ARHGAP12: variants seen among roughly 807,000 people sequenced by gnomAD.
ARHGAP12 encodes rho GTPase-activating protein 12.
A neutral mutation model predicts 108.6 loss-of-function variants in ARHGAP12; 64 were observed. The observed-to-expected ratio is 0.59, with a 90% CI of 0.48 to 0.73. ARHGAP12 has a LOEUF of 0.73. Ranked by LOEUF, ARHGAP12 falls within the 30% of genes least tolerant of loss-of-function variation. The pLI is 0.00. For synonymous variants in ARHGAP12, 312 were observed against 337.2 expected, an observed-to-expected ratio of 0.93 and a Z score of 0.82; for missense variants, 940 against 1,005.9, an observed-to-expected ratio of 0.93 and a Z score of 0.89.
intron 3 of ARHGAP12, among the ~76,000 whole-genome samples, chr10:31,883,735 A>T (rs1199770224): frequency 2.0e-5 from 3 of 148,738 alleles, no homozygotes; most frequent in Non-Finnish European, 3.0e-5. Context: ...TTTTTGAGAC[A>T]ACGTATTGCT....
intron 11 of ARHGAP12, 112 bp from the exon 12 acceptor site, chr10:31,820,600 ATTC>A (rs1044343545): frequency 6.1e-5 from 35 of 572,214 alleles, no homozygotes; most frequent in Admixed American, 1.6e-4. Flanking sequence ...ATTTTCTCAA[ATTC>A]TTCTTTTTCT....
At chr10:31,836,107 C>A (rs1326775055) in intron 9 of ARHGAP12, among the ~76,000 whole-genome samples, 1 of 151,574 alleles carries the variant, frequency 6.6e-6, no homozygotes, top group Non-Finnish European at 1.5e-5. Context: ...TAGTAATATT[C>A]AATGAAAAAA....
chr10:31,826,166 T>C, intron 11 of ARHGAP12, 138 bp downstream of exon 11: 1 of 604,866 alleles, frequency 1.7e-6, no homozygotes, highest in Non-Finnish European at 2.7e-6. Context: ...AAAATGAATC[T>C]TTAAGAAGAT....
intron 3 of ARHGAP12, among the ~76,000 whole-genome samples, chr10:31,887,826 T>A (rs565057700): frequency 6.3e-4 from 95 of 151,990 alleles, no homozygotes; most frequent in Non-Finnish European, 1.1e-3. Context: ...CCTGGCTAAT[T>A]TTTTGTATTT....
intron 3 of ARHGAP12, among the ~76,000 whole-genome samples, chr10:31,864,614 G>A (rs1837254294): frequency 6.6e-6 from 1 of 152,184 alleles, no homozygotes; most frequent in Non-Finnish European, 1.5e-5. Context: ...ACAAAAGTAT[G>A]CAAACATGTA....
At chr10:31,872,741 A>G (rs1483351957) in intron 3 of ARHGAP12, among the ~76,000 whole-genome samples, 2 of 152,184 alleles carry the variant, frequency 1.3e-5, no homozygotes, top group African/African-American at 4.8e-5. Context: ...AATTTCATTA[A>G]CTATAAGATA....
At chr10:31,855,116 G>A (rs1320355599) in intron 4 of ARHGAP12, among the ~76,000 whole-genome samples, 3 of 90,588 alleles carry the variant, frequency 3.3e-5, no homozygotes, top group Admixed American at 1.2e-4. Context: ...GGGAGGGAGA[G>A]GAAGGGAGGG....
chr10:31,892,196 C>T (rs896168245), intron 3 of ARHGAP12, among the ~76,000 whole-genome samples: 4 of 152,132 alleles, frequency 2.6e-5, no homozygotes, highest in African/African-American at 9.7e-5. Flanking sequence ...GAAGAAACTG[C>T]ATCAACTAAC....
intron 9 of ARHGAP12, among the ~76,000 whole-genome samples, chr10:31,832,033 C>G (rs1835855226): frequency 6.6e-6 from 1 of 152,100 alleles, no homozygotes. Flanking sequence ...TAAGTCACAG[C>G]AGCTATTAGA....
intron 13 of ARHGAP12, among the ~76,000 whole-genome samples, chr10:31,816,452 T>C (rs1541259): frequency 0.77 from 117,165 of 152,034 alleles, 46,113 homozygotes; most frequent in African/African-American, 0.93. Context: ...ATAATCTCAG[T>C]CTAGGAAAGT....
chr10:31,852,388 G>T, intron 6 of ARHGAP12, 129 bp downstream of exon 6: 2 of 792,720 alleles, frequency 2.5e-6, no homozygotes, highest in Non-Finnish European at 4.2e-6. Flanking sequence ...TATTCACAGT[G>T]AATTCTGAAA....
At chr10:31,887,703 G>C (rs1033096651) in intron 3 of ARHGAP12, among the ~76,000 whole-genome samples, 15 of 148,886 alleles carry the variant, frequency 1.0e-4, no homozygotes, top group African/African-American at 3.5e-4. Flanking sequence ...TGTCGCCCAG[G>C]CTGGAGTGCA....
At chr10:31,854,988 G>GAGGAGGAGGAGGAGGAGGAGC (rs1267357896) in intron 4 of ARHGAP12, among the ~76,000 whole-genome samples, 37 of 132,156 alleles carry the variant, frequency 2.8e-4, no homozygotes, top group African/African-American at 1.0e-3. Context: ...GAAGAACAAG[G>GAGGAGGAGGAGGAGGAGGAGC]AGGAGGAGGA....
At chr10:31,889,600 T>A (rs922253803) in intron 3 of ARHGAP12, among the ~76,000 whole-genome samples, 10 of 151,496 alleles carry the variant, frequency 6.6e-5, no homozygotes, top group South Asian at 2.1e-4. Context: ...ATTTTGATTT[T>A]CTTTTCTTAA....
intron 12 of ARHGAP12, among the ~76,000 whole-genome samples, chr10:31,819,235 G>A (rs77045281): frequency 0.024 from 3,612 of 152,194 alleles, 156 homozygotes; most frequent in African/African-American, 0.081. Context: ...CGGAGAGATT[G>A]GCATGGGTTG....
chr10:31,830,789 G>T (rs2132200895), intron 10 of ARHGAP12, among the ~76,000 whole-genome samples: 1 of 152,152 alleles, frequency 6.6e-6, no homozygotes, highest in East Asian at 1.9e-4. Context: ...CAACAAAAAG[G>T]AAATACCAAC....
chr10:31,850,783 C>A (rs911010718), intron 6 of ARHGAP12, among the ~76,000 whole-genome samples: 13 of 152,060 alleles, frequency 8.5e-5, no homozygotes, highest in African/African-American at 2.4e-4. Context: ...AACTGCTAAG[C>A]TATGGTTCTT....
At chr10:31,884,987 A>T (rs11008678) in intron 3 of ARHGAP12, among the ~76,000 whole-genome samples, 369 of 152,192 alleles carry the variant, frequency 2.4e-3, no homozygotes, top group African/African-American at 8.2e-3. Flanking sequence ...GTAGGTGTGT[A>T]TATTTATAGA....
chr10:31,888,638 G>A (rs1004544041), intron 3 of ARHGAP12, among the ~76,000 whole-genome samples: 2 of 152,094 alleles, frequency 1.3e-5, no homozygotes, highest in Admixed American at 6.5e-5. Flanking sequence ...TTGGTCTCAT[G>A]GGCCTAAACA....
Sources: allele counts gnomAD v4.1 joint callset (sites outside exome capture counted in the v4.1 genomes callset), GRCh38; gene constraint gnomAD v4.1.1; transcripts MANE v1.5; gene names NCBI Gene and HGNC (gene_info 2026-07-23, HGNC 2026-07-21).